The following SMC5 variants were observed in gnomAD, a reference collection of about 807,000 sequenced individuals.
The protein encoded by SMC5 is structural maintenance of chromosomes 5.
A neutral mutation model predicts 148.3 loss-of-function variants in SMC5; 88 were observed. That is an observed-to-expected ratio of 0.59 (90% CI 0.50 to 0.71). The LOEUF (loss-of-function observed/expected upper bound fraction) is 0.71. Ranked by LOEUF, SMC5 falls within the 30% of genes least tolerant of loss-of-function variation. The probability of loss-of-function intolerance (pLI) is 0.00; values close to 1 mark genes in which losing one functional copy is unlikely to be tolerated. For synonymous variants in SMC5, 421 were observed against 432.8 expected (o/e 0.97, Z 0.34); for missense variants, 1,142 against 1,298.9 (o/e 0.88, Z 1.86).
At chr9:70,264,567 A>G in intron 2 of SMC5, 122 bp downstream of exon 2, 1 of 884,166 alleles carries the variant, frequency 1.1e-6, no homozygotes, top group East Asian at 2.8e-5. Flanking sequence ...TACAAGGAAT[A>G]AATTTGGCAG....
chr9:70,279,149 A>T (rs773196948), intron 5 of SMC5, among the ~76,000 whole-genome samples: 1 of 152,196 alleles, frequency 6.6e-6, no homozygotes, highest in Non-Finnish European at 1.5e-5. Flanking sequence ...TATCCTTTGT[A>T]AAGGTGTTTT....
At chr9:70,268,170 C>T (rs2034343971) in intron 3 of SMC5, among the ~76,000 whole-genome samples, 195 bp downstream of exon 3, 1 of 152,094 alleles carries the variant, frequency 6.6e-6, no homozygotes, top group South Asian at 2.1e-4. Flanking sequence ...GTAGGCTAGC[C>T]ATGGTGGCTC....
chr9:70,260,609 A>G (rs2034093415), intron 1 of SMC5, among the ~76,000 whole-genome samples: 1 of 152,198 alleles, frequency 6.6e-6, no homozygotes. Context: ...GCTGTTACAT[A>G]GTTGCATTGC....
intron 10 of SMC5, among the ~76,000 whole-genome samples, chr9:70,301,510 A>T (rs1024908931): frequency 6.6e-6 from 1 of 152,282 alleles, no homozygotes; most frequent in Admixed American, 6.5e-5. Context: ...CCCTACCATC[A>T]TACACAAGTG....
intron 10 of SMC5, among the ~76,000 whole-genome samples, chr9:70,304,215 G>C (rs566712526): frequency 1.3e-5 from 2 of 152,090 alleles, no homozygotes; most frequent in East Asian, 3.9e-4. Context: ...CAGCCTCCCA[G>C]GTAGAGCCAT....
chr9:70,323,068 G>C (rs1331466687), intron 15 of SMC5, among the ~76,000 whole-genome samples: 1 of 151,964 alleles, frequency 6.6e-6, no homozygotes, highest in Non-Finnish European at 1.5e-5. Context: ...TTTTCTCTTC[G>C]AGGCAACATG....
At chr9:70,348,185 T>C (rs2036716063) in intron 22 of SMC5, 147 bp downstream of exon 22, 1 of 776,870 alleles carries the variant, frequency 1.3e-6, no homozygotes, top group African/African-American at 1.8e-5. Context: ...GAAAACCACC[T>C]GTGGGATTCC....
At chr9:70,309,580 A>T (rs1398441560) in intron 11 of SMC5, among the ~76,000 whole-genome samples, 1 of 152,072 alleles carries the variant, frequency 6.6e-6, no homozygotes, top group Non-Finnish European at 1.5e-5. Flanking sequence ...GTCCATCTCA[A>T]GAAACCATTT....
rs201659247 is a variant in SMC5, at chr9:70,315,432, A to G, written c.1674-14A>G. 1.6e-5 allele frequency: 25 copies of G among 1,538,930 alleles called. No homozygotes were observed. The highest frequency in any genetic ancestry group is 2.6e-5 in the South Asian group (2 of 78,070). On this transcript the variant is annotated splice_polypyrimidine_tract_variant and intron_variant, in intron 12 of 24. Transcript: ENST00000361138. Reference sequence around the variant, plus strand: ...TTTTAAGAAGAAAAATCTAATCAATACTTTTCCTTTCAGACAATACGGATT... The same window carrying G: ...TTTTAAGAAGAAAAATCTAATCAATGCTTTTCCTTTCAGACAATACGGATT...
intron 5 of SMC5, among the ~76,000 whole-genome samples, chr9:70,280,164 AC>A (rs2034711409): frequency 6.6e-6 from 1 of 152,188 alleles, no homozygotes. Flanking sequence ...TGTATGTCAA[AC>A]AAATAGTTTC....
chr9:70,283,513 ATC>A (rs1192311223), intron 7 of SMC5, among the ~76,000 whole-genome samples: 1 of 152,134 alleles, frequency 6.6e-6, no homozygotes, highest in Non-Finnish European at 1.5e-5. Context: ...TCAATAAAGA[ATC>A]TCTGATATAA....
intron 8 of SMC5, among the ~76,000 whole-genome samples, chr9:70,296,016 A>G (rs569016788): frequency 2.0e-5 from 3 of 152,044 alleles, no homozygotes; most frequent in Admixed American, 2.0e-4. Context: ...TTTCAGATAT[A>G]TTTTCTCTTG....
chr9:70,319,924 AT>A (rs1303059154), intron 15 of SMC5, among the ~76,000 whole-genome samples: 1 of 152,214 alleles, frequency 6.6e-6, no homozygotes, highest in Admixed American at 6.5e-5. Flanking sequence ...GTGGATACAG[AT>A]TTTCTAAAAT....
chr9:70,275,293 C>A (rs1040368824), intron 3 of SMC5, among the ~76,000 whole-genome samples: 1 of 152,250 alleles, frequency 6.6e-6, no homozygotes, highest in East Asian at 1.9e-4. Flanking sequence ...TCACTGCATC[C>A]TTGACCTCCT....
chr9:70,345,991 A>T (rs546072319), intron 18 of SMC5, among the ~76,000 whole-genome samples: 2 of 152,270 alleles, frequency 1.3e-5, no homozygotes, highest in South Asian at 4.1e-4. Context: ...GATGGATTTG[A>T]CATGAAGGAT....
chr9:70,314,912 CA>C, intron 12 of SMC5, 76 bp downstream of exon 12: 7 of 952,246 alleles, frequency 7.4e-6, no homozygotes, highest in Non-Finnish European at 1.1e-5. Flanking sequence ...TAAGCTATTA[CA>C]AGCTGTATTA....
intron 8 of SMC5, among the ~76,000 whole-genome samples, chr9:70,296,524 G>T (rs113220801): frequency 0.14 from 21,439 of 150,254 alleles, 2,100 homozygotes; most frequent in African/African-American, 0.28. Context: ...CTGCACTCCA[G>T]CCTGGGCAAC....
intron 21 of SMC5, 27 bp from the exon 22 acceptor site, chr9:70,347,892 G>A: frequency 1.3e-6 from 2 of 1,554,048 alleles, no homozygotes; most frequent in Non-Finnish European, 1.7e-6. Context: ...CTTTTAAATT[G>A]TGTTTTTATA....
intron 11 of SMC5, chr9:70,311,654 T>C (rs1278574534): frequency 6.6e-6 from 1 of 150,592 alleles, no homozygotes; most frequent in Admixed American, 6.6e-5. Context: ...CCAACTTTAA[T>C]GACACTATGT....
Sources: gnomAD v4.1 joint callset for allele counts (sites outside exome capture counted in the v4.1 genomes callset) on GRCh38, gnomAD v4.1.1 for gene constraint, MANE v1.5 for transcripts, NCBI Gene and HGNC (gene_info 2026-07-23, HGNC 2026-07-21) for gene names.